Variants in CCSER2 observed in about 807,000 individuals in gnomAD.
The protein encoded by CCSER2 is coiled-coil serine rich protein 2.
A neutral mutation model predicts 92.3 loss-of-function variants in CCSER2; 46 were observed. The observed-to-expected ratio is 0.50, with a 90% CI of 0.39 to 0.64. The LOEUF is 0.64. Among genes scored for constraint, CCSER2 ranks in the 30% least tolerant of loss-of-function variants. The pLI is 0.00. For missense variants in CCSER2, 1,244 were observed against 1,238.9 expected (o/e 1.00, Z -0.06); for synonymous variants, 433 against 431.4 (o/e 1.00, Z -0.04).
In CCSER2 at chr10:84,514,978, T is replaced by A. The variant is rs570018593; in HGVS notation, c.*711T>A. ...ACACATGTGCATGCACACACACATA[T>A]ACACACACATACCATTTATGTTTGT... On this transcript the variant is annotated 3_prime_UTR_variant, in exon 10 of 10. Transcript: ENST00000372088. 6.5e-6 allele frequency: 1 copy of A among 152,736 alleles called. No homozygotes were observed. Among genetic ancestry groups the A allele is most frequent in the Admixed American group, 6.5e-5 (1 of 15,304 alleles). 9.5% of individuals were successfully genotyped at this position (152,736 alleles called of 1,614,324 possible).
chr10:84,403,086 C>T (rs955199889), intron 3 of CCSER2, among the ~76,000 whole-genome samples: 8 of 152,088 alleles, frequency 5.3e-5, no homozygotes, highest in Non-Finnish European at 7.4e-5. Flanking sequence ...ATCAAGAGAG[C>T]GTGGTATTGG....
intron 3 of CCSER2, among the ~76,000 whole-genome samples, chr10:84,412,073 G>A (rs1267498130): frequency 6.6e-6 from 1 of 152,146 alleles, no homozygotes. Context: ...TAGTCATGTG[G>A]TTTTTGTCTT....
intron 4 of CCSER2, among the ~76,000 whole-genome samples, chr10:84,423,239 G>A (rs917801797): frequency 6.6e-6 from 1 of 152,168 alleles, no homozygotes; most frequent in Non-Finnish European, 1.5e-5. Context: ...ATATAAACAC[G>A]TGATTGATGG....
intron 3 of CCSER2, among the ~76,000 whole-genome samples, chr10:84,400,309 CA>C (rs1182130981): frequency 1.3e-5 from 2 of 152,024 alleles, no homozygotes; most frequent in Non-Finnish European, 2.9e-5. Context: ...AAGTAAAAGT[CA>C]CAAAGACTTA....
chr10:84,415,247 C>T (rs1034007491), intron 3 of CCSER2, among the ~76,000 whole-genome samples: 4 of 152,170 alleles, frequency 2.6e-5, no homozygotes, highest in African/African-American at 4.8e-5. Context: ...GAGTTTTCAG[C>T]GTTTTTGCAT....
intron 3 of CCSER2, among the ~76,000 whole-genome samples, chr10:84,392,369 C>T (rs1841575398): frequency 7.3e-6 from 1 of 137,442 alleles, no homozygotes; most frequent in African/African-American, 2.7e-5. Flanking sequence ...CAAAACAGCA[C>T]ATTGTGGAAT....
chr10:84,449,172 C>G (rs532022469), intron 6 of CCSER2, among the ~76,000 whole-genome samples: 3 of 152,160 alleles, frequency 2.0e-5, no homozygotes, highest in African/African-American at 7.2e-5. Flanking sequence ...GTCAGGAGTT[C>G]AAGACCAGCC....
intron 9 of CCSER2, among the ~76,000 whole-genome samples, chr10:84,493,687 T>C (rs1252517664): frequency 6.6e-6 from 1 of 152,226 alleles, no homozygotes; most frequent in Non-Finnish European, 1.5e-5. Flanking sequence ...CCCAACCTTT[T>C]TGACATCAGG....
chr10:84,444,433 A>G (rs1004619779), intron 6 of CCSER2, among the ~76,000 whole-genome samples: 4 of 152,220 alleles, frequency 2.6e-5, no homozygotes, highest in Admixed American at 6.5e-5. Flanking sequence ...ACATTCTTCT[A>G]GGTTCTCTGA....
intron 6 of CCSER2, among the ~76,000 whole-genome samples, chr10:84,446,453 T>A (rs375074370): frequency 6.6e-6 from 1 of 152,084 alleles, no homozygotes; most frequent in Non-Finnish European, 1.5e-5. Flanking sequence ...GGTGGTGGAA[T>A]GTTAGTGGCA....
chr10:84,421,431 A>T (rs917466294), intron 4 of CCSER2, among the ~76,000 whole-genome samples: 1 of 152,176 alleles, frequency 6.6e-6, no homozygotes, highest in African/African-American at 2.4e-5. Flanking sequence ...GGGAGCAAAC[A>T]TGTCCTTCTT....
Position 84,416,278 on chromosome 10 carries a change from C to T in CCSER2, c.1615-1493C>T, listed in dbSNP as rs1382466750. 3.3e-5 allele frequency among the ~76,000 whole-genome samples: 5 copies of T among 152,298 alleles called. No homozygotes were observed. The East Asian group carries it at 9.7e-4, about 29-fold the overall frequency. On this transcript the variant is annotated intron_variant, in intron 3 of 9. Transcript: ENST00000372088. ...CTGTGGGTCAGGCTGTTTGTCTAGT[C>T]AGTCCCAGTGTGAGAACCTGGATAT...
intron 9 of CCSER2, among the ~76,000 whole-genome samples, chr10:84,500,453 T>C (rs1258717081): frequency 6.6e-6 from 1 of 152,236 alleles, no homozygotes; most frequent in East Asian, 1.9e-4. Context: ...AATAAAGATA[T>C]TTCTAATTGT....
chr10:84,374,357 A>T (rs146667761), intron 3 of CCSER2, among the ~76,000 whole-genome samples: 1 of 152,288 alleles, frequency 6.6e-6, no homozygotes, highest in African/African-American at 2.4e-5. Context: ...TTACTCTTAG[A>T]AAGTTTGTTG....
chr10:84,500,103 T>G (rs989994443), intron 9 of CCSER2: 1 of 1,088,348 alleles, frequency 9.2e-7, no homozygotes, highest in African/African-American at 1.6e-5. Context: ...CTCTGTGGTC[T>G]CCTCTCTTAA....
At chr10:84,478,703 CT>C (rs1847293195) in intron 9 of CCSER2, among the ~76,000 whole-genome samples, 1 of 152,106 alleles carries the variant, frequency 6.6e-6, no homozygotes, top group South Asian at 2.1e-4. Flanking sequence ...AAGGATTCCT[CT>C]GTTTATAAGT....
intron 1 of CCSER2, among the ~76,000 whole-genome samples, chr10:84,350,474 AT>A (rs1320014204): frequency 5.9e-5 from 9 of 152,294 alleles, no homozygotes; most frequent in African/African-American, 2.2e-4. Context: ...TACCTAGCAC[AT>A]TGCTAGGATT....
chr10:84,512,022 T>C (rs1479638271), intron 9 of CCSER2, among the ~76,000 whole-genome samples: 2 of 152,304 alleles, frequency 1.3e-5, no homozygotes, highest in East Asian at 3.9e-4. Flanking sequence ...TCTTGATTTT[T>C]TTTTAATGCA....
chr10:84,498,466 T>C (rs1274051081), intron 9 of CCSER2, among the ~76,000 whole-genome samples: 1 of 151,980 alleles, frequency 6.6e-6, no homozygotes, highest in Non-Finnish European at 1.5e-5. Flanking sequence ...TTCATCAACA[T>C]AGAAAATGGA....
Sources: gnomAD v4.1 joint callset for allele counts (sites outside exome capture counted in the v4.1 genomes callset) on GRCh38, gnomAD v4.1.1 for gene constraint, MANE v1.5 for transcripts, NCBI Gene and HGNC (gene_info 2026-07-23, HGNC 2026-07-21) for gene names.